FGF13: variants seen among roughly 807,000 people sequenced by gnomAD.
FGF13 encodes the protein fibroblast growth factor homologous factor 2.
In FGF13, 2 loss-of-function variants were observed where a neutral mutation model predicts 19.5. The observed-to-expected ratio is 0.10, with a 90% CI of 0.04 to 0.32. The LOEUF (loss-of-function observed/expected upper bound fraction) is 0.32, where lower values mean the gene tolerates loss of function less well. Among genes scored for constraint, FGF13 ranks in the 10% least tolerant of loss-of-function variants. FGF13 has a pLI of 1.00. For missense variants in FGF13, 113 were observed against 192.7 expected, an observed-to-expected ratio of 0.59 and a Z score of 2.45; for synonymous variants, 72 against 76.9, an observed-to-expected ratio of 0.94 and a Z score of 0.33.
intron 1 of FGF13, among the ~76,000 whole-genome samples, chrX:138,970,728 T>C (rs1305485600): frequency 1.8e-5 from 2 of 110,852 alleles, no homozygotes; most frequent in African/African-American, 6.6e-5. Context: ...TCTGCTTGAG[T>C]TTCCAACAAG....
At chrX:138,716,799 C>T (rs1234881964) in intron 1 of FGF13, among the ~76,000 whole-genome samples, 1 of 111,338 alleles carries the variant, frequency 9.0e-6, no homozygotes, top group African/African-American at 3.3e-5. Flanking sequence ...TCTCCAGAAC[C>T]ATCCTTTTAG....
At chrX:138,867,782 A>ATCT (rs2091335463) in intron 1 of FGF13, among the ~76,000 whole-genome samples, 1 of 94,459 alleles carries the variant, frequency 1.1e-5, no homozygotes, top group Non-Finnish European at 2.1e-5. Flanking sequence ...ACTGTCTCTA[A>ATCT]ATCTATCTAT....
intron 1 of FGF13, among the ~76,000 whole-genome samples, chrX:138,870,364 T>C (rs1430947569): frequency 2.7e-5 from 3 of 112,024 alleles, no homozygotes; most frequent in Non-Finnish European, 5.6e-5. Flanking sequence ...GAGAGAAAAC[T>C]GAATGTCAAA....
intron 3 of FGF13, among the ~76,000 whole-genome samples, chrX:138,793,564 T>C (rs1291119549): frequency 8.9e-6 from 1 of 111,844 alleles, no homozygotes; most frequent in Non-Finnish European, 1.9e-5. Context: ...AAATTCTTGA[T>C]AATTCTGAAT....
At chrX:138,663,576 GAATGAT>G (rs2089510119) in intron 3 of FGF13, among the ~76,000 whole-genome samples, 1 of 111,341 alleles carries the variant, frequency 9.0e-6, no homozygotes, top group Admixed American at 9.6e-5. Context: ...AAAACCTTGA[GAATGAT>G]AATATTTGTT....
chrX:138,809,617 A>G (rs2024267434), intron 3 of FGF13, among the ~76,000 whole-genome samples: 1 of 111,402 alleles, frequency 9.0e-6, no homozygotes, highest in Admixed American at 9.6e-5. Flanking sequence ...ATGAGAAAGA[A>G]ATAAAGGGTG....
intron 3 of FGF13, among the ~76,000 whole-genome samples, chrX:138,751,269 C>T (rs774183851): frequency 9.0e-5 from 10 of 111,330 alleles, no homozygotes; most frequent in East Asian, 8.6e-4. Flanking sequence ...ATGCACTATA[C>T]GCCAGACTAG....
chrX:139,202,546 G>C lies in FGF13; in HGVS notation c.-113+870C>G, dbSNP rs754844947. 2.7e-5 allele frequency among the ~76,000 whole-genome samples: 3 copies of C among 111,586 alleles called. No individual in the cohort carries two copies. In the Admixed American group the frequency reaches 2.8e-4, roughly 11 times the overall value. On this transcript the variant is annotated intron_variant, in intron 1 of 2. Coordinates refer to the FGF13 transcript ENST00000421460. Reference sequence around the variant, plus strand: ...GGCAACAATGACCCGTATGACAACGGATCTAACCCCTCCACAAACTTCCGG... The same window carrying C: ...GGCAACAATGACCCGTATGACAACGCATCTAACCCCTCCACAAACTTCCGG...
At chrX:138,885,733 C>A (rs1172517671) in intron 1 of FGF13, among the ~76,000 whole-genome samples, 1 of 108,749 alleles carries the variant, frequency 9.2e-6, no homozygotes, top group Non-Finnish European at 1.9e-5. Flanking sequence ...CCATTACGGC[C>A]CCTCTTGAAT....
intron 1 of FGF13, among the ~76,000 whole-genome samples, chrX:138,900,455 T>C (rs1197465630): frequency 9.0e-6 from 1 of 110,721 alleles, no homozygotes; most frequent in African/African-American, 3.3e-5. Flanking sequence ...ACACCCTCAA[T>C]TCCAATCCAC....
chrX:138,759,256 G>A (rs928002803), intron 3 of FGF13, among the ~76,000 whole-genome samples: 2 of 112,347 alleles, frequency 1.8e-5, no homozygotes, highest in Non-Finnish European at 3.8e-5. Context: ...TTCTGCAATA[G>A]ATTGGGAACA....
At chrX:139,008,431 C>T (rs2092113556) in intron 1 of FGF13, among the ~76,000 whole-genome samples, 1 of 112,525 alleles carries the variant, frequency 8.9e-6, no homozygotes, top group Non-Finnish European at 1.9e-5. Context: ...AGGACCATCA[C>T]AGAGTCCACT....
chrX:139,111,958 A>G (rs938586307), intron 1 of FGF13, among the ~76,000 whole-genome samples: 1 of 112,100 alleles, frequency 8.9e-6, no homozygotes, highest in Non-Finnish European at 1.9e-5. Flanking sequence ...AAAATAAAAC[A>G]TGTGGGTAGT....
chrX:138,753,488 T>C (rs1286175897), intron 3 of FGF13, among the ~76,000 whole-genome samples: 1 of 112,273 alleles, frequency 8.9e-6, no homozygotes, highest in African/African-American at 3.2e-5. Context: ...CTTTCTACCT[T>C]ATCAGTGTAC....
At chrX:138,683,804 C>T (rs180877353) in intron 3 of FGF13, among the ~76,000 whole-genome samples, 2 of 111,560 alleles carry the variant, frequency 1.8e-5, no homozygotes, top group African/African-American at 6.5e-5. Flanking sequence ...AGCGGGATGA[C>T]GAGCAGGACA....
intron 3 of FGF13, among the ~76,000 whole-genome samples, chrX:138,833,038 A>G (rs879214408): frequency 8.9e-6 from 1 of 111,768 alleles, no homozygotes; most frequent in Non-Finnish European, 1.9e-5. Flanking sequence ...TTTTTGTACC[A>G]GTACCATGTG....
chrX:138,773,041 A>T (rs975690601), intron 3 of FGF13, among the ~76,000 whole-genome samples: 1 of 110,005 alleles, frequency 9.1e-6, no homozygotes, highest in Admixed American at 9.8e-5. Flanking sequence ...TTAGTAAAAA[A>T]AAAAAAATAA....
chrX:138,676,295 G>A (rs1466356909), intron 3 of FGF13, among the ~76,000 whole-genome samples: 1 of 111,102 alleles, frequency 9.0e-6, no homozygotes, highest in Non-Finnish European at 1.9e-5. Flanking sequence ...TACAAGGTCT[G>A]TTAGCCTTGT....
chrX:138,669,177 GA>G (rs747646708), intron 3 of FGF13, among the ~76,000 whole-genome samples: 2 of 110,800 alleles, frequency 1.8e-5, no homozygotes, highest in Non-Finnish European at 3.8e-5. Context: ...AGGAGGTAGT[GA>G]AGGTACAGGA....
Sources: allele counts gnomAD v4.1 joint callset (sites outside exome capture counted in the v4.1 genomes callset), GRCh38; gene constraint gnomAD v4.1.1; transcripts MANE v1.5; gene names NCBI Gene and HGNC (gene_info 2026-07-23, HGNC 2026-07-21).